Variants in DCUN1D1 observed in about 807,000 individuals in gnomAD.
DCUN1D1 encodes the protein defective in cullin neddylation 1 domain containing 1, also known as DCN1-like protein 1.
A neutral mutation model predicts 39.0 loss-of-function variants in DCUN1D1; 3 were observed. The ratio of observed to expected loss-of-function variants is 0.08; its 90% CI spans 0.04 to 0.20. The LOEUF (loss-of-function observed/expected upper bound fraction) is 0.20. DCUN1D1 is among the 10% of genes least tolerant of loss of function. The pLI, the probability that DCUN1D1 is intolerant of heterozygous loss-of-function variation, is 1.00. For missense variants in DCUN1D1, 158 were observed against 302.4 expected (o/e 0.52, Z 3.54); for synonymous variants, 82 against 96.3 (o/e 0.85, Z 0.87).
At chr3:182,954,586 C>T (rs1456800228) in intron 4 of DCUN1D1, among the ~76,000 whole-genome samples, 8 of 151,992 alleles carry the variant, frequency 5.3e-5, no homozygotes, top group African/African-American at 1.9e-4. Context: ...AAATTCTATG[C>T]ATTTTTTTCT....
intron 4 of DCUN1D1, chr3:182,955,660 T>G (rs1727011077): frequency 5.5e-6 from 2 of 364,774 alleles, no homozygotes; most frequent in Non-Finnish European, 1.1e-5. Flanking sequence ...CTCGGCTCAC[T>G]GCAACCTCCA....
At chr3:182,969,457 A>G (rs1390586678) in intron 1 of DCUN1D1, among the ~76,000 whole-genome samples, 2 of 152,148 alleles carry the variant, frequency 1.3e-5, no homozygotes, top group Admixed American at 6.6e-5. Context: ...AAACAGATGG[A>G]TTTTTTCTCT....
chr3:182,959,611 G>A (rs1424537493), intron 4 of DCUN1D1, among the ~76,000 whole-genome samples: 1 of 150,800 alleles, frequency 6.6e-6, no homozygotes, highest in Admixed American at 6.7e-5. Flanking sequence ...TAAACTGCTA[G>A]CACTTTATTA....
rs1162373219 is a variant in DCUN1D1, at chr3:182,943,078, G to C, written c.*2016C>G. ...TGTAAAATCCAAGGCACTAGGCCAC[G>C]AACCAATATGACTTTTAAAGAAAAC... On this transcript the variant is annotated 3_prime_UTR_variant, in exon 7 of 7. Coordinates refer to ENST00000292782, the MANE Select transcript of DCUN1D1 (RefSeq NM_020640.4). 1 of 105,052 alleles carries C rather than the reference G, an allele frequency of 9.5e-6. No homozygotes were observed. Among genetic ancestry groups the C allele is most frequent in the Non-Finnish European group, 1.9e-5 (1 of 52,742 alleles). 6.5% of individuals were successfully genotyped at this position (105,052 alleles called of 1,614,324 possible).
intron 1 of DCUN1D1, among the ~76,000 whole-genome samples, chr3:182,977,647 G>A (rs1728303022): frequency 6.6e-6 from 1 of 151,920 alleles, no homozygotes; most frequent in Non-Finnish European, 1.5e-5. Flanking sequence ...TATTGGCCAG[G>A]CTGGTCTCAA....
chr3:182,980,588 C>T, upstream of DCUN1D1: 2 of 1,134,484 alleles, frequency 1.8e-6, no homozygotes, highest in Admixed American at 3.7e-5. Flanking sequence ...CCGGCTCCCG[C>T]TCATGCGCAG....
intron 6 of DCUN1D1, 134 bp downstream of exon 6, chr3:182,947,104 A>AAAAAAC (rs1726449578): frequency 8.4e-6 from 5 of 595,088 alleles, no homozygotes; most frequent in Non-Finnish European, 5.8e-6. Context: ...TCTATCTCAA[A>AAAAAAC]AAAAACAAAA....
intron 1 of DCUN1D1, among the ~76,000 whole-genome samples, chr3:182,971,138 T>C (rs1439629187): frequency 1.3e-5 from 2 of 152,204 alleles, no homozygotes; most frequent in African/African-American, 2.4e-5. Flanking sequence ...TGTATGACTT[T>C]GGGAAAATTA....
intron 4 of DCUN1D1, chr3:182,955,945 T>TC (rs1727035119): frequency 6.2e-6 from 1 of 160,340 alleles, no homozygotes; most frequent in South Asian, 1.7e-4. Context: ...TTTTTTTTTT[T>TC]TGAGGCAGAG....
intron 4 of DCUN1D1, among the ~76,000 whole-genome samples, chr3:182,953,889 T>G (rs965301047): frequency 4.6e-5 from 7 of 152,216 alleles, no homozygotes; most frequent in African/African-American, 1.7e-4. Context: ...CATGTTATTC[T>G]TTCAAAGAGA....
chr3:182,972,431 T>C (rs1040211425), intron 1 of DCUN1D1, among the ~76,000 whole-genome samples: 6 of 152,198 alleles, frequency 3.9e-5, no homozygotes, highest in Non-Finnish European at 8.8e-5. Flanking sequence ...GATTATTCAT[T>C]CATTCTTAAA....
chr3:182,952,080 C>G (rs947210203), intron 4 of DCUN1D1, among the ~76,000 whole-genome samples: 1 of 152,164 alleles, frequency 6.6e-6, no homozygotes, highest in Non-Finnish European at 1.5e-5. Context: ...CCAATGTCTA[C>G]CTGTCATCCA....
chr3:182,946,778 T>C (rs1726431652), intron 6 of DCUN1D1, among the ~76,000 whole-genome samples: 1 of 151,876 alleles, frequency 6.6e-6, no homozygotes. Context: ...AGAATATGGA[T>C]TGGTAAATGT....
At chr3:182,946,433 T>A (rs1404610207) in intron 6 of DCUN1D1, among the ~76,000 whole-genome samples, 5 of 151,622 alleles carry the variant, frequency 3.3e-5, no homozygotes, top group Non-Finnish European at 7.4e-5. Flanking sequence ...GGCAGGCACC[T>A]GAAATCCCAG....
intron 4 of DCUN1D1, among the ~76,000 whole-genome samples, chr3:182,960,131 C>T (rs749647708): frequency 3.6e-4 from 55 of 152,262 alleles, no homozygotes; most frequent in Non-Finnish European, 5.9e-4. Context: ...AATGGACTTA[C>T]ATACAAGACA....
At chr3:182,985,284 T>C (rs1354679021), upstream of DCUN1D1, among the ~76,000 whole-genome samples, 1 of 152,184 alleles carries the variant, frequency 6.6e-6, no homozygotes, top group Admixed American at 6.5e-5. Flanking sequence ...CCCCCAGTGT[T>C]ACTGGTGATA....
chr3:182,961,317 C>T lies in DCUN1D1; in HGVS notation c.429G>A (p.Lys143=), dbSNP rs1727380632. Residue 143 remains lysine (K), a synonymous_variant, in exon 4 of 7, where the codon AAG becomes AAA. Transcript: ENST00000292782. The part of the protein sequence containing the change: ...SIEKLKAQIP[K]MEQELKEPGR... The stretch of plus-strand genomic sequence containing the variant: ...CTGGTTCTTTCAATTCTTGTTCCAT[C>T]TTGGGTATCTGGGCCTTTAGTTTTT... 6.2e-7 allele frequency: 1 copy of T among 1,605,778 alleles called. No homozygotes were observed.
In DCUN1D1 at chr3:182,941,488, C is replaced by T. The variant is rs1418178006; in HGVS notation, c.*3606G>A. On this transcript the variant is annotated 3_prime_UTR_variant, in exon 7 of 7. Transcript: ENST00000292782. ...ATTAAATGATGAGTCATAATTTGAA[C>T]CCTAATTATCACATTATGTAGAAAT... The T allele has an allele frequency of 6.6e-6, 1 of 151,792 alleles. No homozygotes were observed. Among genetic ancestry groups the T allele is most frequent in the Non-Finnish European group, 1.5e-5 (1 of 67,902 alleles). 9.4% of individuals were successfully genotyped at this position (151,792 alleles called of 1,614,324 possible).
rs145001009 is a variant in DCUN1D1, at chr3:182,952,962, A to G, written c.521-5330T>C. Among the ~76,000 whole-genome samples, 468 of 152,294 alleles carry G rather than the reference A, an allele frequency of 3.1e-3. 3 individuals are homozygous for G. Among genetic ancestry groups the G allele is most frequent in the African/African-American group, 0.01 (417 of 41,566 alleles). ...CAGGCATGAATCTGGTGTCACTTCC[A>G]TGTTAAAATTCTTCAATCATTTCCA... On this transcript the variant is annotated intron_variant, in intron 4 of 6. Coordinates refer to ENST00000292782, the MANE Select transcript of DCUN1D1 (RefSeq NM_020640.4).
Sources: allele counts gnomAD v4.1 joint callset (sites outside exome capture counted in the v4.1 genomes callset), GRCh38; gene constraint gnomAD v4.1.1; transcripts MANE v1.5; gene names NCBI Gene and HGNC (gene_info 2026-07-23, HGNC 2026-07-21).